The following SYN3 variants were observed in gnomAD, a reference collection of about 807,000 sequenced individuals.
SYN3 encodes the protein synapsin III, also known as synapsin-3.
SYN3 carries 35 observed loss-of-function variants against 65.8 expected under a neutral mutation model. That is an observed-to-expected ratio of 0.53 (90% CI 0.41 to 0.70). The LOEUF is 0.70. Ranked by LOEUF, SYN3 falls within the 30% of genes least tolerant of loss-of-function variation. The pLI is 0.00. For synonymous variants in SYN3, 270 were observed against 292.9 expected (o/e 0.92, Z 0.80); for missense variants, 680 against 749.0 (o/e 0.91, Z 1.08).
chr22:32,967,062 C>T (rs1181528458), intron 3 of SYN3, among the ~76,000 whole-genome samples: 1 of 152,164 alleles, frequency 6.6e-6, no homozygotes, highest in Non-Finnish European at 1.5e-5. Context: ...CTCATAGTAC[C>T]TGTTCATCAG....
At chr22:32,653,954 C>T (rs989967005) in intron 6 of SYN3, among the ~76,000 whole-genome samples, 1 of 152,186 alleles carries the variant, frequency 6.6e-6, no homozygotes, top group Admixed American at 6.5e-5. Context: ...TCTGTGAACA[C>T]GTGCCACTGC....
At chr22:32,769,737 G>A (rs1045381268) in intron 6 of SYN3, among the ~76,000 whole-genome samples, 4 of 151,990 alleles carry the variant, frequency 2.6e-5, no homozygotes, top group East Asian at 1.9e-4. Context: ...GGCTGGTCTC[G>A]AACTCCCGAC....
At chr22:32,758,705 T>TATATATATATATATATGTA (rs1277216646) in intron 6 of SYN3, among the ~76,000 whole-genome samples, 1 of 109,694 alleles carries the variant, frequency 9.1e-6, no homozygotes, top group Admixed American at 1.1e-4. Flanking sequence ...TATATATGTC[T>TATATATATATATATATGTA]TATTAGTTCT....
intron 10 of SYN3, chr22:32,530,337 T>C (rs2058048215): frequency 6.6e-6 from 1 of 152,372 alleles, no homozygotes; most frequent in Admixed American, 6.5e-5. Flanking sequence ...GAATAGCTCT[T>C]TGAGGCAGTA....
At chr22:32,733,524 C>T (rs945744444) in intron 6 of SYN3, among the ~76,000 whole-genome samples, 1 of 152,216 alleles carries the variant, frequency 6.6e-6, no homozygotes, top group Non-Finnish European at 1.5e-5. Context: ...TTCCTAGTAG[C>T]TGGCTCTTGG....
intron 4 of SYN3, among the ~76,000 whole-genome samples, chr22:32,926,736 A>G (rs939915815): frequency 6.6e-6 from 1 of 152,220 alleles, no homozygotes; most frequent in Non-Finnish European, 1.5e-5. Flanking sequence ...CATTTAGTCC[A>G]TTTACATTTA....
At chr22:32,933,222 A>G (rs1445577444) in intron 3 of SYN3, among the ~76,000 whole-genome samples, 1 of 152,244 alleles carries the variant, frequency 6.6e-6, no homozygotes, top group Non-Finnish European at 1.5e-5. Context: ...TTTAATGGAT[A>G]AACATAACCA....
chr22:32,966,453 G>A (rs1285996720), intron 3 of SYN3, among the ~76,000 whole-genome samples: 1 of 152,126 alleles, frequency 6.6e-6, no homozygotes, highest in East Asian at 1.9e-4. Flanking sequence ...GCAAGGAAAG[G>A]CAGGCAGGGG....
At chr22:32,604,643 G>A (rs2059341692) in intron 6 of SYN3, among the ~76,000 whole-genome samples, 1 of 151,952 alleles carries the variant, frequency 6.6e-6, no homozygotes, top group Non-Finnish European at 1.5e-5. Flanking sequence ...TCTCCCGTAG[G>A]CACTTCCTGT....
chr22:32,616,022 T>G (rs2059515022), intron 6 of SYN3, among the ~76,000 whole-genome samples: 1 of 152,192 alleles, frequency 6.6e-6, no homozygotes, highest in African/African-American at 2.4e-5. Flanking sequence ...GGAGCCTTCC[T>G]AGACACCTGA....
chr22:32,551,493 A>G (rs961019070), intron 7 of SYN3, among the ~76,000 whole-genome samples: 3 of 149,832 alleles, frequency 2.0e-5, no homozygotes, highest in Non-Finnish European at 3.0e-5. Context: ...CTACAGGAAA[A>G]ATGGCCTCCC....
intron 6 of SYN3, among the ~76,000 whole-genome samples, chr22:32,675,411 A>G (rs1167036649): frequency 6.6e-6 from 1 of 152,218 alleles, no homozygotes; most frequent in African/African-American, 2.4e-5. Context: ...TCCTGGAATC[A>G]GAGTGCAGCA....
At chr22:32,814,418 C>G (rs1255075910) in intron 6 of SYN3, among the ~76,000 whole-genome samples, 1 of 150,292 alleles carries the variant, frequency 6.7e-6, no homozygotes, top group African/African-American at 2.5e-5. Context: ...GAGAAAAGGC[C>G]ATTCCTAACT....
intron 10 of SYN3, among the ~76,000 whole-genome samples, chr22:32,532,730 C>T (rs997842791): frequency 5.3e-5 from 8 of 152,266 alleles, no homozygotes; most frequent in African/African-American, 1.4e-4. Flanking sequence ...ACATGAGAGA[C>T]GGGAGGACCG....
chr22:32,717,991 A>G (rs1420087844), intron 6 of SYN3, among the ~76,000 whole-genome samples: 3 of 152,204 alleles, frequency 2.0e-5, no homozygotes, highest in Non-Finnish European at 4.4e-5. Flanking sequence ...TTCAGATCCA[A>G]TCACGTCAAG....
At chr22:32,528,474 C>T (rs1055092618) in intron 11 of SYN3, among the ~76,000 whole-genome samples, 2 of 152,112 alleles carry the variant, frequency 1.3e-5, no homozygotes, top group African/African-American at 4.8e-5. Flanking sequence ...GACACAATAG[C>T]GTCCATTGAC....
chr22:32,565,469 G>T (rs559521641), intron 7 of SYN3, among the ~76,000 whole-genome samples: 18 of 150,382 alleles, frequency 1.2e-4, no homozygotes, highest in Admixed American at 5.3e-4. Context: ...AATAGTTTAC[G>T]TATATACATA....
chr22:33,054,374 C>G (rs1416234478), intron 1 of SYN3, among the ~76,000 whole-genome samples: 1 of 152,214 alleles, frequency 6.6e-6, no homozygotes, highest in Non-Finnish European at 1.5e-5. Context: ...TGCTCCCATC[C>G]ACCCAACTTT....
At chr22:32,601,268 C>CA (rs1172822850) in intron 6 of SYN3, among the ~76,000 whole-genome samples, 5 of 149,980 alleles carry the variant, frequency 3.3e-5, no homozygotes, top group Non-Finnish European at 7.4e-5. Flanking sequence ...TTTCCTTTGC[C>CA]TTTTTTTTTC....
Sources: allele counts gnomAD v4.1 joint callset (sites outside exome capture counted in the v4.1 genomes callset), GRCh38; gene constraint gnomAD v4.1.1; transcripts MANE v1.5; gene names NCBI Gene and HGNC (gene_info 2026-07-23, HGNC 2026-07-21).